The following TRDN variants were observed in gnomAD, a reference collection of about 807,000 sequenced individuals.
The protein encoded by TRDN is triadin.
In TRDN, 161 loss-of-function variants were observed where a neutral mutation model predicts 149.7. The observed-to-expected ratio is 1.08, with a 90% CI of 0.95 to 1.23. The LOEUF is 1.23. Among genes scored for constraint, TRDN ranks in the 50% most tolerant of loss-of-function variants. The pLI is 0.00. For missense variants in TRDN, 896 were observed against 823.5 expected (o/e 1.09, Z -1.08); for synonymous variants, 294 against 250.5 (o/e 1.17, Z -1.64).
intron 6 of TRDN, among the ~76,000 whole-genome samples, chr6:123,514,100 C>G (rs920059489): frequency 3.3e-5 from 5 of 152,110 alleles, no homozygotes; most frequent in African/African-American, 1.2e-4. Context: ...TGCTGTGGCT[C>G]ACACCTGTAA....
chr6:123,227,114 C>A (rs779896654), intron 38 of TRDN, among the ~76,000 whole-genome samples: 3 of 151,698 alleles, frequency 2.0e-5, no homozygotes, highest in Non-Finnish European at 4.4e-5. Flanking sequence ...GTCAAGGTTG[C>A]TCAAGAGACA....
chr6:123,302,641 A>T (rs1778469594), intron 24 of TRDN, among the ~76,000 whole-genome samples: 1 of 152,166 alleles, frequency 6.6e-6, no homozygotes. Context: ...AGTCAAAAAA[A>T]TAGGACCAAA....
At chr6:123,443,409 A>G (rs1269542505) in intron 10 of TRDN, among the ~76,000 whole-genome samples, 2 of 152,038 alleles carry the variant, frequency 1.3e-5, no homozygotes, top group Non-Finnish European at 2.9e-5. Context: ...AAAGTGGAAG[A>G]GCTTTGGGCT....
intron 10 of TRDN, among the ~76,000 whole-genome samples, chr6:123,449,960 G>T (rs1275035103): frequency 6.6e-6 from 1 of 152,120 alleles, no homozygotes; most frequent in Non-Finnish European, 1.5e-5. Context: ...TTTGTATCCA[G>T]TGAAACTAAG....
chr6:123,462,094 T>C (rs975370356), intron 10 of TRDN, among the ~76,000 whole-genome samples: 19 of 152,218 alleles, frequency 1.2e-4, no homozygotes, highest in South Asian at 1.0e-3. Flanking sequence ...GTGGTTATTG[T>C]ACAAGATCTT....
intron 9 of TRDN, among the ~76,000 whole-genome samples, chr6:123,467,985 A>G (rs997293037): frequency 5.3e-5 from 8 of 152,110 alleles, no homozygotes; most frequent in African/African-American, 1.9e-4. Context: ...AGGTGTTTAT[A>G]AAATGTGGAT....
rs980493612 is a variant in TRDN, at chr6:123,217,403, T to C, written c.*1198A>G. On this transcript the variant is annotated 3_prime_UTR_variant, in exon 41 of 41. Transcript: ENST00000334268. ...TCAATTTATTTCCTGAGTTAATTTG[T>C]CATAAGTTCAGTTGCAATTGTAAAC... The C allele has an allele frequency of 8.6e-5, 13 of 151,950 alleles. No homozygotes were observed. The highest frequency in any genetic ancestry group is 2.4e-4 in the African/African-American group (10 of 41,414). 9.4% of individuals were successfully genotyped at this position (151,950 alleles called of 1,614,324 possible).
At chr6:123,393,253 T>C (rs980940168) in intron 13 of TRDN, among the ~76,000 whole-genome samples, 9 of 152,134 alleles carry the variant, frequency 5.9e-5, no homozygotes, top group African/African-American at 1.9e-4. Flanking sequence ...TCTTCTCATG[T>C]AACATAAATT....
chr6:123,441,838 T>A (rs950949263), intron 10 of TRDN, among the ~76,000 whole-genome samples: 11 of 152,242 alleles, frequency 7.2e-5, no homozygotes, highest in Non-Finnish European at 1.5e-4. Flanking sequence ...TTTGCCCTTC[T>A]AGTGTAGAGA....
intron 12 of TRDN, among the ~76,000 whole-genome samples, chr6:123,417,872 T>C (rs898118177): frequency 6.6e-6 from 1 of 152,190 alleles, no homozygotes; most frequent in African/African-American, 2.4e-5. Flanking sequence ...AGCAGCTATA[T>C]TCCACCTCTG....
At chr6:123,555,876 AC>A (rs1781628922) in intron 2 of TRDN, among the ~76,000 whole-genome samples, 1 of 152,194 alleles carries the variant, frequency 6.6e-6, no homozygotes, top group Non-Finnish European at 1.5e-5. Context: ...GAATCCAGCT[AC>A]TGTGCTATAA....
chr6:123,326,231 A>G (rs73771930), intron 23 of TRDN, among the ~76,000 whole-genome samples: 4,655 of 152,216 alleles, frequency 0.031, 238 homozygotes, highest in African/African-American at 0.1. Flanking sequence ...TCACAAGTGT[A>G]TCTCCAACCC....
intron 1 of TRDN, among the ~76,000 whole-genome samples, chr6:123,587,992 G>C (rs1417163300): frequency 1.3e-5 from 2 of 152,118 alleles, no homozygotes; most frequent in South Asian, 4.1e-4. Flanking sequence ...CTTAGCTTGG[G>C]CTCAGAGGCC....
At chr6:123,427,894 T>G (rs1456548871) in intron 12 of TRDN, among the ~76,000 whole-genome samples, 4 of 152,194 alleles carry the variant, frequency 2.6e-5, no homozygotes, top group Non-Finnish European at 5.9e-5. Context: ...ACCTGCAATT[T>G]TGCTTGCTTT....
At chr6:123,261,053 A>G (rs989422648) in intron 33 of TRDN, among the ~76,000 whole-genome samples, 4 of 151,808 alleles carry the variant, frequency 2.6e-5, no homozygotes, top group Non-Finnish European at 5.9e-5. Context: ...TACCCCATTT[A>G]CTTGCCTATA....
intron 39 of TRDN, 139 bp downstream of exon 39, chr6:123,223,954 A>G (rs567660923): frequency 1.2e-4 from 76 of 644,334 alleles, no homozygotes; most frequent in Non-Finnish European, 1.8e-4. Context: ...TTGCTTTAAA[A>G]ATAAGCCTAC....
At chr6:123,591,859 G>A (rs1172050806) in intron 1 of TRDN, among the ~76,000 whole-genome samples, 1 of 152,018 alleles carries the variant, frequency 6.6e-6, no homozygotes, top group Admixed American at 6.6e-5. Flanking sequence ...CAAGCAATTA[G>A]GTAAACACAA....
intron 12 of TRDN, among the ~76,000 whole-genome samples, chr6:123,430,951 C>A (rs1011901758): frequency 3.3e-5 from 5 of 152,094 alleles, no homozygotes; most frequent in Non-Finnish European, 7.4e-5. Context: ...GCTTCCAGAG[C>A]TAATATCATA....
At chr6:123,345,076 C>T (rs1196371449) in intron 21 of TRDN, among the ~76,000 whole-genome samples, 1 of 151,596 alleles carries the variant, frequency 6.6e-6, no homozygotes, top group Non-Finnish European at 1.5e-5. Flanking sequence ...TTTTTTCTTT[C>T]ATGGACTTTG....
Sources: allele counts gnomAD v4.1 joint callset (sites outside exome capture counted in the v4.1 genomes callset), GRCh38; gene constraint gnomAD v4.1.1; transcripts MANE v1.5; gene names NCBI Gene and HGNC (gene_info 2026-07-23, HGNC 2026-07-21).